The following ZFHX3 variants were observed in gnomAD, a reference collection of about 807,000 sequenced individuals.
ZFHX3 encodes zinc finger homeobox protein 3.
ZFHX3 carries 42 observed loss-of-function variants against 279.1 expected under a neutral mutation model. The ratio of observed to expected loss-of-function variants is 0.15; its 90% confidence interval spans 0.12 to 0.19. The LOEUF is 0.19. ZFHX3 is among the 10% of genes least tolerant of loss of function. ZFHX3 has a pLI of 1.00. For missense variants in ZFHX3, 4,981 were observed against 4,754.0 expected (o/e 1.05, Z -1.40); for synonymous variants, 2,293 against 1,957.8 (o/e 1.17, Z -4.52).
chr16:73,278,249 CTGT>C (rs756195734), intron 4 of ZFHX3, among the ~76,000 whole-genome samples: 2 of 152,216 alleles, frequency 1.3e-5, no homozygotes, highest in African/African-American at 2.4e-5. Context: ...GTTTTTGTTA[CTGT>C]TGTTGTAGCA....
chr16:73,035,897 C>G (rs552979109), intron 1 of ZFHX3, among the ~76,000 whole-genome samples: 1 of 152,320 alleles, frequency 6.6e-6, no homozygotes, highest in Admixed American at 6.5e-5. Context: ...GAGTGAGACC[C>G]TGTCTCAAAA....
intron 7 of ZFHX3, chr16:73,126,610 A>T (rs1167245525): frequency 6.6e-6 from 1 of 152,256 alleles, no homozygotes; most frequent in African/African-American, 2.4e-5. Flanking sequence ...ACATGTTAAT[A>T]AGTTGTACCA....
chr16:73,699,232 G>A (rs1024306517), intron 1 of ZFHX3, among the ~76,000 whole-genome samples: 4 of 152,268 alleles, frequency 2.6e-5, no homozygotes, highest in Middle Eastern at 3.4e-3. Flanking sequence ...GCAAGATATC[G>A]AGAGGAAGCT....
At position 73,159,064 on chromosome 16, in the gene ZFHX3, C is replaced by T. The variant is rs371517656; in HGVS notation, c.-1103-15233G>A. 4.6e-5 allele frequency among the ~76,000 whole-genome samples: 7 copies of T among 152,180 alleles called. 1 individual carries two copies. Among genetic ancestry groups the T allele is most frequent in the African/African-American group, 1.7e-4 (7 of 41,510 alleles). Reference sequence around the variant, plus strand: ...ATGCCAAAAGCAATTGCAACAAAAGCAAAAATTGACAAATGAGATCTAATT... The same window carrying T: ...ATGCCAAAAGCAATTGCAACAAAAGTAAAAATTGACAAATGAGATCTAATT... On this transcript the variant is annotated intron_variant, in intron 5 of 17. Coordinates refer to the ZFHX3 transcript ENST00000641206.
intron 1 of ZFHX3, among the ~76,000 whole-genome samples, chr16:72,969,591 A>G (rs1475059440): frequency 6.6e-6 from 1 of 152,082 alleles, no homozygotes; most frequent in East Asian, 1.9e-4. Context: ...AGAAAAACAC[A>G]CTACACTGAA....
At chr16:72,911,533 G>A (rs1458205650) in intron 3 of ZFHX3, among the ~76,000 whole-genome samples, 2 of 152,204 alleles carry the variant, frequency 1.3e-5, no homozygotes, top group African/African-American at 4.8e-5. Flanking sequence ...GAGAAACAAC[G>A]TGTCGGGGAA....
At chr16:73,223,654 CA>C (rs2012496395) in intron 5 of ZFHX3, among the ~76,000 whole-genome samples, 2 of 152,256 alleles carry the variant, frequency 1.3e-5, no homozygotes, top group South Asian at 2.1e-4. Flanking sequence ...CCATTTCTTA[CA>C]AAATTAAACA....
At chr16:73,118,154 T>C (rs1966453708) in intron 7 of ZFHX3, among the ~76,000 whole-genome samples, 2 of 152,212 alleles carry the variant, frequency 1.3e-5, no homozygotes, top group South Asian at 2.1e-4. Flanking sequence ...CTGTGGTCTA[T>C]ATTAGATACC....
intron 5 of ZFHX3, among the ~76,000 whole-genome samples, chr16:73,236,445 C>T (rs2012951724): frequency 1.3e-5 from 2 of 152,138 alleles, no homozygotes; most frequent in South Asian, 2.1e-4. Context: ...AAAGAATTAG[C>T]CAGGCCTGGT....
intron 7 of ZFHX3, among the ~76,000 whole-genome samples, chr16:73,110,199 CT>C (rs1318845074): frequency 2.0e-5 from 3 of 148,640 alleles, no homozygotes; most frequent in African/African-American, 7.4e-5. Context: ...GCGAGACTGT[CT>C]CAAAAAAAAA....
intron 7 of ZFHX3, among the ~76,000 whole-genome samples, chr16:73,129,024 C>A (rs1966624437): frequency 6.6e-6 from 1 of 152,066 alleles, no homozygotes; most frequent in Admixed American, 6.6e-5. Flanking sequence ...TCTCCTTAAA[C>A]CTTCCCCACA....
intron 8 of ZFHX3, among the ~76,000 whole-genome samples, chr16:73,066,135 A>T (rs1803940582): frequency 6.6e-6 from 1 of 152,142 alleles, no homozygotes; most frequent in African/African-American, 2.4e-5. Context: ...TCCCCTGTGG[A>T]CTCGGGGCGC....
intron 1 of ZFHX3, among the ~76,000 whole-genome samples, chr16:73,694,184 G>A (rs992003600): frequency 1.3e-5 from 2 of 151,940 alleles, no homozygotes; most frequent in Admixed American, 6.5e-5. Context: ...TTAGCCAGGC[G>A]TGGTGGCTCA....
intron 7 of ZFHX3, among the ~76,000 whole-genome samples, chr16:73,100,577 CT>C (rs368465486): frequency 3.6e-3 from 511 of 143,380 alleles, no homozygotes; most frequent in Middle Eastern, 3.6e-3. Context: ...GAATTCCCCT[CT>C]TTTTTTTTTT....
chr16:73,281,141 T>C (rs1296811490), intron 4 of ZFHX3, among the ~76,000 whole-genome samples: 1 of 151,470 alleles, frequency 6.6e-6, no homozygotes, highest in Non-Finnish European at 1.5e-5. Flanking sequence ...TATATATTCA[T>C]AGGAATTGAA....
chr16:73,380,715 C>G (rs1490280716), intron 3 of ZFHX3, among the ~76,000 whole-genome samples: 1 of 152,130 alleles, frequency 6.6e-6, no homozygotes, highest in African/African-American at 2.4e-5. Context: ...GTAAGAGGAA[C>G]TTGAGTGGCC....
intron 1 of ZFHX3, among the ~76,000 whole-genome samples, chr16:73,859,851 C>T (rs1023922892): frequency 1.3e-5 from 2 of 152,256 alleles, no homozygotes; most frequent in Non-Finnish European, 2.9e-5. Context: ...CAACCTAGCA[C>T]GGTACTGTTT....
chr16:73,678,639 TG>T, intron 2 of ZFHX3, among the ~76,000 whole-genome samples: 1 of 152,290 alleles, frequency 6.6e-6, no homozygotes, highest in Non-Finnish European at 1.5e-5. Context: ...TATGTGCCAA[TG>T]GCAAGTGTCT....
intron 2 of ZFHX3, among the ~76,000 whole-genome samples, chr16:73,642,489 A>G (rs938995147): frequency 1.3e-5 from 2 of 152,228 alleles, no homozygotes; most frequent in African/African-American, 2.4e-5. Context: ...ACATTCCTCA[A>G]TACATAAAGC....
Sources: gnomAD v4.1 joint callset for allele counts (sites outside exome capture counted in the v4.1 genomes callset) on GRCh38, gnomAD v4.1.1 for gene constraint, MANE v1.5 for transcripts, NCBI Gene and HGNC (gene_info 2026-07-23, HGNC 2026-07-21) for gene names.